PCDH11Y: variants seen among roughly 807,000 people sequenced by gnomAD.
PCDH11Y encodes protocadherin-11 Y-linked.
For synonymous variants in PCDH11Y, 9 were observed against 83.6 expected (o/e 0.11, Z 4.87); for missense variants, 12 against 224.8 (o/e 0.05, Z 6.05).
At chrY:5,407,532 C>G in intron 2 of PCDH11Y, among the ~76,000 whole-genome samples, 5 of 32,806 alleles carry the variant, frequency 1.5e-4, no homozygotes. Flanking sequence ...ATAAAATATT[C>G]CAGTGTGACT....
chrY:5,254,986 A>G, intron 2 of PCDH11Y, among the ~76,000 whole-genome samples: 4 of 30,644 alleles, frequency 1.3e-4, no homozygotes, highest in Non-Finnish European at 3.1e-4. Context: ...CAGGTGTGCA[A>G]TGCATAATAA....
intron 2 of PCDH11Y, among the ~76,000 whole-genome samples, chrY:5,245,157 G>C (rs1602892735): frequency 2.7e-4 from 9 of 33,408 alleles, no homozygotes; most frequent in African/African-American, 5.8e-4. Context: ...TGGACCAGCA[G>C]ACATAGTCTT....
chrY:5,125,960 A>G, intron 2 of PCDH11Y, among the ~76,000 whole-genome samples: 2 of 33,382 alleles, frequency 6.0e-5, no homozygotes, highest in Admixed American at 2.8e-4. Context: ...TAGAGGTGGG[A>G]AATGAAAACA....
At chrY:5,705,763 T>C (rs2053582452) in intron 4 of PCDH11Y, among the ~76,000 whole-genome samples, 1 of 31,406 alleles carries the variant, frequency 3.2e-5, no homozygotes, top group Non-Finnish European at 7.7e-5. Flanking sequence ...ACTCATCTTA[T>C]GGTATTTTTT....
chrY:5,074,234 C>T, intron 1 of PCDH11Y, among the ~76,000 whole-genome samples: 1 of 29,382 alleles, frequency 3.4e-5, no homozygotes, highest in Non-Finnish European at 8.0e-5. Flanking sequence ...AATGTTTTCT[C>T]GGGTTGCGGT....
chrY:5,715,021 A>C, intron 4 of PCDH11Y, among the ~76,000 whole-genome samples: 1 of 30,561 alleles, frequency 3.3e-5, no homozygotes, highest in Admixed American at 3.1e-4. Flanking sequence ...CATAAAATAG[A>C]GAGGTCTAGC....
At chrY:5,192,668 C>T (rs2052913784) in intron 2 of PCDH11Y, among the ~76,000 whole-genome samples, 1 of 33,277 alleles carries the variant, frequency 3.0e-5, no homozygotes, top group East Asian at 8.0e-4. Context: ...CTTCTGAATG[C>T]GAGCCATTTG....
chrY:5,161,709 T>C (rs2124644477), intron 2 of PCDH11Y, among the ~76,000 whole-genome samples: 1 of 33,168 alleles, frequency 3.0e-5, no homozygotes, highest in African/African-American at 1.2e-4. Context: ...AGAAGCATAT[T>C]TGTGGTTTTT....
chrY:5,400,701 TAAAA>T (rs1326552342), intron 2 of PCDH11Y, among the ~76,000 whole-genome samples: 1 of 5,418 alleles, frequency 1.8e-4, no homozygotes, highest in Non-Finnish European at 4.2e-4. Context: ...ATTCAAAAAG[TAAAA>T]AAAAAAAAAA....
At chrY:5,532,644 G>T in intron 3 of PCDH11Y, among the ~76,000 whole-genome samples, 1 of 28,411 alleles carries the variant, frequency 3.5e-5, no homozygotes, top group African/African-American at 1.4e-4. Context: ...CACGGATATA[G>T]TTGGGCTTTG....
chrY:5,035,289 G>A, intron 3 of PCDH11Y, among the ~76,000 whole-genome samples: 2 of 30,554 alleles, frequency 6.5e-5, no homozygotes, highest in Admixed American at 6.2e-4. Flanking sequence ...CAGTTCTTAC[G>A]TGAAATCTCT....
chrY:5,436,841 A>G, intron 2 of PCDH11Y, among the ~76,000 whole-genome samples: 7 of 33,458 alleles, frequency 2.1e-4, no homozygotes, highest in African/African-American at 7.0e-4. Flanking sequence ...CAACACTCAT[A>G]AAGTCTATTG....
chrY:5,076,563 A>T (rs1602857365), intron 1 of PCDH11Y, among the ~76,000 whole-genome samples: 1 of 33,173 alleles, frequency 3.0e-5, no homozygotes, highest in South Asian at 6.6e-4. Flanking sequence ...AAATTTAAGT[A>T]TTTACTCCGA....
intron 2 of PCDH11Y, among the ~76,000 whole-genome samples, chrY:5,234,821 AATAG>A (rs2052973085): frequency 3.2e-5 from 1 of 30,873 alleles, no homozygotes; most frequent in African/African-American, 1.3e-4. Flanking sequence ...TGTCATTTAA[AATAG>A]ATAGCATCTA....
intron 4 of PCDH11Y, among the ~76,000 whole-genome samples, chrY:5,636,928 C>T (rs2053518221): frequency 3.1e-5 from 1 of 32,741 alleles, no homozygotes; most frequent in Non-Finnish European, 7.5e-5. Flanking sequence ...CTTCCCCTTC[C>T]ATCTTCTCTT....
chrY:5,560,193 G>T (rs2053427381), intron 3 of PCDH11Y, among the ~76,000 whole-genome samples: 1 of 33,219 alleles, frequency 3.0e-5, no homozygotes, highest in Non-Finnish European at 7.4e-5. Flanking sequence ...GATGATTTAA[G>T]GTATCTAGCA....
Position 5,058,139 on chromosome Y carries a change from C to CA in PCDH11Y, c.636+686dup. ...TGTAAAGGGTAAGTAAGCCTTTTAA[C>CA]AAAAAAGAGTCAATCAGTTAATTTG... On this transcript the variant is annotated intron_variant, in intron 1 of 1. Transcript: ENST00000215473. 9.2e-5 allele frequency among the ~76,000 whole-genome samples: 3 copies of CA among 32,496 alleles called. No homozygotes were observed. The South Asian group carries it at 2.0e-3, about 22-fold the overall frequency. The allele number at this position is 32,496 out of a possible 37,273, so 87.2% of individuals were successfully genotyped here.
chrY:5,420,806 T>C (rs1431275176), intron 2 of PCDH11Y, among the ~76,000 whole-genome samples: 437 of 29,234 alleles, frequency 0.015, no homozygotes, highest in Non-Finnish European at 0.03. Flanking sequence ...ATTAATATCA[T>C]AAATGAAAGA....
At chrY:5,011,144 T>G in intron 1 of PCDH11Y, among the ~76,000 whole-genome samples, 3 of 31,629 alleles carry the variant, frequency 9.5e-5, no homozygotes, top group African/African-American at 2.5e-4. Flanking sequence ...CAACTAGATT[T>G]ACAATTATTT....
Sources: gnomAD v4.1 joint callset for allele counts (sites outside exome capture counted in the v4.1 genomes callset) on GRCh38, gnomAD v4.1.1 for gene constraint, MANE v1.5 for transcripts, NCBI Gene and HGNC (gene_info 2026-07-23, HGNC 2026-07-21) for gene names.